The following UNC79 variants were observed in gnomAD, a reference collection of about 807,000 sequenced individuals.
The protein encoded by UNC79 is unc-79 subunit of NALCN channel complex.
Under a neutral mutation model 283.1 loss-of-function variants are expected in UNC79, and 37 were observed. The ratio of observed to expected loss-of-function variants is 0.13; its 90% confidence interval spans 0.10 to 0.17. UNC79 has a LOEUF of 0.17. Ranked by LOEUF, UNC79 falls within the 10% of genes least tolerant of loss-of-function variation. UNC79 has a pLI of 1.00. For missense variants in UNC79, 2,272 were observed against 3,211.1 expected (o/e 0.71, Z 7.07); for synonymous variants, 1,107 against 1,200.2 (o/e 0.92, Z 1.61).
At chr14:93,635,928 G>A (rs2148562) in intron 31 of UNC79, among the ~76,000 whole-genome samples, 60,780 of 152,028 alleles carry the variant, frequency 0.4, 13,658 homozygotes, top group Admixed American at 0.51. Context: ...GAGATGAAGC[G>A]ATGTAAGGAA....
At chr14:93,658,543 G>A (rs1337099693) in intron 38 of UNC79, among the ~76,000 whole-genome samples, 2 of 152,118 alleles carry the variant, frequency 1.3e-5, no homozygotes, top group African/African-American at 4.8e-5. Context: ...TTTACCCCCA[G>A]TCCTAGTAAA....
intron 38 of UNC79, among the ~76,000 whole-genome samples, 193 bp from the exon 42 acceptor site, chr14:93,659,000 A>G (rs533910146): frequency 3.2e-4 from 49 of 152,278 alleles, no homozygotes; most frequent in South Asian, 2.5e-3. Context: ...CCATTGTATA[A>G]TTGTTTAATT....
intron 1 of UNC79, among the ~76,000 whole-genome samples, chr14:93,420,441 G>A (rs2055571132): frequency 6.6e-6 from 1 of 151,716 alleles, no homozygotes; most frequent in African/African-American, 2.4e-5. Flanking sequence ...CAATAGGGGA[G>A]TACCCAGATA....
At chr14:93,336,635 A>G (rs941191538) in intron 1 of UNC79, among the ~76,000 whole-genome samples, 6 of 152,224 alleles carry the variant, frequency 3.9e-5, no homozygotes, top group Non-Finnish European at 5.9e-5. Context: ...GCCACTGCAC[A>G]TGGCCTTAAT....
At chr14:93,597,470 A>G (rs1161518583) in exon 24 of UNC79, 1 of 1,614,016 alleles carries the variant, frequency 6.2e-7, no homozygotes, top group South Asian at 1.1e-5. Flanking sequence ...ACAGCAGTGG[A>G]GGATGTCAAC....
chr14:93,470,545 A>G (rs1195502662), intron 2 of UNC79, among the ~76,000 whole-genome samples: 1 of 152,188 alleles, frequency 6.6e-6, no homozygotes, highest in Admixed American at 6.5e-5. Context: ...AGCAGTGTTT[A>G]ACCCAGAGAA....
chr14:93,680,733 C>T (rs1035097650), intron 41 of UNC79, among the ~76,000 whole-genome samples: 1 of 152,144 alleles, frequency 6.6e-6, no homozygotes, highest in African/African-American at 2.4e-5. Context: ...AGCTGGGTTA[C>T]AGGCATGTGC....
chr14:93,453,860 A>C lies in UNC79; in HGVS notation c.23-13811A>C, dbSNP rs950106992. 3.3e-5 allele frequency among the ~76,000 whole-genome samples: 5 copies of C among 152,226 alleles called. No homozygotes were observed. In the East Asian group the frequency reaches 7.7e-4, roughly 23 times the overall value. ...AATTTCTTCATCACATCATGAAATG[A>C]ATCTGACTTTCAAAGTTTCTAGTAC... On this transcript the variant is annotated intron_variant, in intron 1 of 48. Transcript: ENST00000555664.
At chr14:93,669,458 C>A (rs552034761) in intron 40 of UNC79, among the ~76,000 whole-genome samples, 1 of 152,044 alleles carries the variant, frequency 6.6e-6, no homozygotes, top group Non-Finnish European at 1.5e-5. Context: ...AACAAAAGTC[C>A]GGATCCAGAA....
At chr14:93,624,425 A>T (rs1027578644) in intron 30 of UNC79, among the ~76,000 whole-genome samples, 1 of 152,106 alleles carries the variant, frequency 6.6e-6, no homozygotes, top group African/African-American at 2.4e-5. Flanking sequence ...ATATGGAAGG[A>T]GGAGGGCATT....
chr14:93,386,758 A>C (rs555327065), intron 1 of UNC79, among the ~76,000 whole-genome samples: 24 of 152,106 alleles, frequency 1.6e-4, no homozygotes, highest in East Asian at 3.9e-4. Context: ...CTTTGGTATT[A>C]GTTACAGTGC....
chr14:93,426,012 G>A (rs1735954343), upstream of UNC79, among the ~76,000 whole-genome samples: 2 of 152,204 alleles, frequency 1.3e-5, no homozygotes, highest in South Asian at 2.1e-4. Flanking sequence ...TCTGCTGGTG[G>A]CAAATTCTCT....
intron 1 of UNC79, among the ~76,000 whole-genome samples, chr14:93,455,033 C>T (rs776545350): frequency 6.6e-6 from 1 of 152,078 alleles, no homozygotes; most frequent in Non-Finnish European, 1.5e-5. Context: ...GCTGACTTCC[C>T]CTGTCTGCTG....
intron 23 of UNC79, among the ~76,000 whole-genome samples, 173 bp from the exon 24 acceptor site, chr14:93,597,186 T>G (rs1267590638): frequency 6.6e-6 from 1 of 152,190 alleles, no homozygotes; most frequent in Non-Finnish European, 1.5e-5. Flanking sequence ...AATGGAACAC[T>G]CGAGATGGTG....
intron 1 of UNC79, among the ~76,000 whole-genome samples, chr14:93,374,041 C>T (rs1216623437): frequency 6.6e-6 from 1 of 152,060 alleles, no homozygotes; most frequent in Non-Finnish European, 1.5e-5. Flanking sequence ...TCACTGAAAG[C>T]CTGGGGCCCC....
chr14:93,353,704 C>T (rs1489254346), intron 1 of UNC79, among the ~76,000 whole-genome samples: 1 of 152,214 alleles, frequency 6.6e-6, no homozygotes, highest in East Asian at 1.9e-4. Flanking sequence ...TCTCCTCAAA[C>T]TTGCTCTTCT....
intron 12 of UNC79, among the ~76,000 whole-genome samples, chr14:93,538,689 C>T (rs1047441843): frequency 3.6e-4 from 54 of 150,558 alleles, no homozygotes; most frequent in African/African-American, 1.2e-3. Context: ...GAAACAGGTG[C>T]GGGACAACTC....
At chr14:93,666,188 G>A (rs1011555769) in intron 40 of UNC79, among the ~76,000 whole-genome samples, 1 of 152,002 alleles carries the variant, frequency 6.6e-6, no homozygotes, top group African/African-American at 2.4e-5. Context: ...CATTGTAAAT[G>A]TAAACTCCAA....
intron 1 of UNC79, among the ~76,000 whole-genome samples, chr14:93,337,086 G>C (rs1393279104): frequency 6.6e-6 from 1 of 152,098 alleles, no homozygotes; most frequent in African/African-American, 2.4e-5. Context: ...TCCACGACCT[G>C]GAGTGAGAAC....
Sources: allele counts gnomAD v4.1 joint callset (sites outside exome capture counted in the v4.1 genomes callset), GRCh38; gene constraint gnomAD v4.1.1; transcripts MANE v1.5; gene names NCBI Gene and HGNC (gene_info 2026-07-23, HGNC 2026-07-21).